The following UNC5C variants were observed in gnomAD, a reference collection of about 807,000 sequenced individuals.
UNC5C encodes the protein unc-5 netrin receptor C, also known as netrin receptor UNC5C.
A neutral mutation model predicts 99.8 loss-of-function variants in UNC5C; 47 were observed. The ratio of observed to expected loss-of-function variants is 0.47; its 90% CI spans 0.37 to 0.60. The LOEUF is 0.60. Among genes scored for constraint, UNC5C ranks in the 20% least tolerant of loss-of-function variants. UNC5C has a pLI of 0.00. For missense variants in UNC5C, 1,062 were observed against 1,165.9 expected (o/e 0.91, Z 1.30); for synonymous variants, 487 against 452.2 (o/e 1.08, Z -0.98).
chr4:95,283,129 C>A (rs1216212677), intron 3 of UNC5C, among the ~76,000 whole-genome samples: 5 of 152,132 alleles, frequency 3.3e-5, no homozygotes, highest in Admixed American at 1.3e-4. Context: ...GGTTTGAGTG[C>A]AGCATGCTGT....
intron 1 of UNC5C, among the ~76,000 whole-genome samples, chr4:95,354,732 C>T (rs1177245165): frequency 6.6e-6 from 1 of 151,902 alleles, no homozygotes; most frequent in East Asian, 1.9e-4. Flanking sequence ...ATCCTTCCAC[C>T]TTGGCTTCCC....
chr4:95,356,205 A>AAAAC (rs1744185834), intron 1 of UNC5C, among the ~76,000 whole-genome samples: 8 of 139,984 alleles, frequency 5.7e-5, no homozygotes, highest in Admixed American at 1.4e-4. Flanking sequence ...AAAAAAAAAA[A>AAAAC]AAAAAAACAA....
At chr4:95,308,701 G>A (rs1475216038) in intron 2 of UNC5C, among the ~76,000 whole-genome samples, 1 of 114,420 alleles carries the variant, frequency 8.7e-6, no homozygotes, top group South Asian at 3.1e-4. Context: ...TCAGTGATTC[G>A]AGATTGTGCC....
intron 1 of UNC5C, among the ~76,000 whole-genome samples, chr4:95,359,529 T>C (rs553105193): frequency 6.6e-6 from 1 of 152,212 alleles, no homozygotes; most frequent in African/African-American, 2.4e-5. Context: ...TGAAGCCATT[T>C]TTCTACATTA....
intron 3 of UNC5C, among the ~76,000 whole-genome samples, chr4:95,299,511 G>C (rs1741792918): frequency 6.6e-6 from 1 of 152,194 alleles, no homozygotes; most frequent in Admixed American, 6.5e-5. Context: ...AAGCAGGAAT[G>C]GAGGCAAGAT....
intron 1 of UNC5C, among the ~76,000 whole-genome samples, chr4:95,407,500 G>T (rs1243275358): frequency 6.6e-6 from 1 of 152,058 alleles, no homozygotes; most frequent in Non-Finnish European, 1.5e-5. Context: ...GAGACAAAGG[G>T]CAGGGGTCTC....
At chr4:95,415,706 G>A (rs1318786717) in intron 1 of UNC5C, among the ~76,000 whole-genome samples, 1 of 151,992 alleles carries the variant, frequency 6.6e-6, no homozygotes, top group Non-Finnish European at 1.5e-5. Context: ...ACAACTTGAT[G>A]GTTAGCAACC....
intron 1 of UNC5C, among the ~76,000 whole-genome samples, chr4:95,401,811 G>A (rs1193533035): frequency 6.6e-6 from 1 of 152,072 alleles, no homozygotes; most frequent in Non-Finnish European, 1.5e-5. Context: ...AGGAGGCCAG[G>A]GACAATATTT....
chr4:95,498,640 C>T (rs932226169), intron 1 of UNC5C, among the ~76,000 whole-genome samples: 1 of 151,670 alleles, frequency 6.6e-6, no homozygotes, highest in African/African-American at 2.4e-5. Context: ...ATTTTAAAAA[C>T]AGTGAAAAAC....
At chr4:95,412,703 A>G (rs1203974794) in intron 1 of UNC5C, among the ~76,000 whole-genome samples, 3 of 152,164 alleles carry the variant, frequency 2.0e-5, no homozygotes, top group Admixed American at 6.5e-5. Context: ...TGCCTTATTC[A>G]TGTAAGACAA....
chr4:95,326,321 GT>G (rs1475085019), intron 2 of UNC5C, among the ~76,000 whole-genome samples: 11 of 152,010 alleles, frequency 7.2e-5, no homozygotes, highest in African/African-American at 2.4e-4. Flanking sequence ...CATAACCATG[GT>G]TTTCTAATCT....
intron 1 of UNC5C, among the ~76,000 whole-genome samples, chr4:95,463,427 G>A (rs920956667): frequency 3.3e-5 from 5 of 152,052 alleles, no homozygotes; most frequent in Admixed American, 2.6e-4. Context: ...ACTGAACGAA[G>A]CACAAGCAGA....
Position 95,164,957 on chromosome 4 carries a change from C to A in UNC5C, c.*4277G>T, listed in dbSNP as rs1735805322. 6.6e-6 allele frequency: 1 copy of A among 152,256 alleles called. No individual in the cohort carries two copies. Among genetic ancestry groups the A allele is most frequent in the Admixed American group, 6.5e-5 (1 of 15,278 alleles). 9.4% of individuals were successfully genotyped at this position (152,256 alleles called of 1,614,324 possible). A position where few individuals can be genotyped will look rare whatever the true frequency, so the allele number is the denominator to read the frequency against. ...CCCATAGGGGCAGACCTTATAGAGG[C>A]AAAGACCTTTGAATTCTGGGGAGAT... On this transcript the variant is annotated 3_prime_UTR_variant, in exon 16 of 16. Coordinates refer to ENST00000453304, the MANE Select transcript of UNC5C (RefSeq NM_003728.4).
At chr4:95,297,258 A>G (rs1741698727) in intron 3 of UNC5C, among the ~76,000 whole-genome samples, 1 of 152,058 alleles carries the variant, frequency 6.6e-6, no homozygotes, top group African/African-American at 2.4e-5. Flanking sequence ...CCCTTAGCAT[A>G]TTGTTCCTAA....
chr4:95,502,398 A>C (rs954334084), intron 1 of UNC5C, among the ~76,000 whole-genome samples: 1 of 152,064 alleles, frequency 6.6e-6, no homozygotes, highest in African/African-American at 2.4e-5. Flanking sequence ...CCTCCCAAGC[A>C]GCTGGGACAA....
At position 95,437,864 on chromosome 4, in the gene UNC5C, T is replaced by C. The variant is rs1388492111; in HGVS notation, c.125-102233A>G. On this transcript the variant is annotated intron_variant, in intron 1 of 15. Coordinates refer to ENST00000453304, the MANE Select transcript of UNC5C (RefSeq NM_003728.4). ...CAGCATCCAAAGAAATAAAATAGAG[T>C]GGTAGGATCTTTATCAGAGCCCAGG... Among the ~76,000 whole-genome samples the C allele has an allele frequency of 2.6e-5, 4 of 152,048 alleles. 1 individual carries two copies. In the Middle Eastern group the frequency reaches 0.01, roughly 388 times the overall value.
intron 1 of UNC5C, among the ~76,000 whole-genome samples, chr4:95,390,973 C>G (rs752945524): frequency 6.6e-6 from 1 of 152,086 alleles, no homozygotes; most frequent in Non-Finnish European, 1.5e-5. Context: ...TGGGAGGGAC[C>G]AGGTGGGAGT....
chr4:95,386,778 TC>T (rs1207599294), intron 1 of UNC5C, among the ~76,000 whole-genome samples: 1 of 152,132 alleles, frequency 6.6e-6, no homozygotes, highest in African/African-American at 2.4e-5. Context: ...TGTTCTCACT[TC>T]CCCCCAAAAA....
chr4:95,192,030 CTCCTCTGCTCACT>C (rs1182474893), intron 12 of UNC5C, among the ~76,000 whole-genome samples: 23 of 135,616 alleles, frequency 1.7e-4, no homozygotes, highest in Non-Finnish European at 2.5e-4. Context: ...GTTCACCTTC[CTCCTCTGCTCACT>C]TCCTCTGCTC....
Sources: allele counts gnomAD v4.1 joint callset (sites outside exome capture counted in the v4.1 genomes callset), GRCh38; gene constraint gnomAD v4.1.1; transcripts MANE v1.5; gene names NCBI Gene and HGNC (gene_info 2026-07-23, HGNC 2026-07-21).